ZNF423: variants seen among roughly 807,000 people sequenced by gnomAD.
ZNF423 encodes the protein zinc finger protein 423.
Under a neutral mutation model 95.8 loss-of-function variants are expected in ZNF423, and 12 were observed. The ratio of observed to expected loss-of-function variants is 0.13; its 90% CI spans 0.08 to 0.20. ZNF423 has a LOEUF of 0.20. ZNF423 is among the 10% of genes least tolerant of loss of function. ZNF423 has a pLI of 1.00. For missense variants in ZNF423, 1,316 were observed against 1,737.1 expected, an observed-to-expected ratio of 0.76 and a Z score of 4.31; for synonymous variants, 749 against 711.9, an observed-to-expected ratio of 1.05 and a Z score of -0.83.
intron 1 of ZNF423, chr16:49,854,077 A>C: frequency 1.0e-6 from 1 of 985,312 alleles, no homozygotes; most frequent in South Asian, 4.7e-5. Context: ...GCAAAAGAGA[A>C]ACATCCACCC....
At chr16:49,832,617 G>T (rs912537947) in intron 1 of ZNF423, among the ~76,000 whole-genome samples, 1 of 152,198 alleles carries the variant, frequency 6.6e-6, no homozygotes, top group Non-Finnish European at 1.5e-5. Context: ...GTTATGACAG[G>T]TCAGAACAGA....
intron 2 of ZNF423, among the ~76,000 whole-genome samples, chr16:49,747,655 T>TA (rs2033553302): frequency 1.4e-4 from 10 of 71,970 alleles, no homozygotes; most frequent in Admixed American, 1.1e-3. Context: ...GATATTTCAT[T>TA]TAAAAAAAAA....
chr16:49,597,777 C>T (rs995180535), intron 5 of ZNF423, among the ~76,000 whole-genome samples: 9 of 152,160 alleles, frequency 5.9e-5, no homozygotes, highest in African/African-American at 7.2e-5. Flanking sequence ...GTCTACAGCT[C>T]TAAGAGGGCA....
intron 2 of ZNF423, among the ~76,000 whole-genome samples, chr16:49,749,750 T>C (rs758905716): frequency 1.4e-4 from 17 of 121,228 alleles, no homozygotes; most frequent in Non-Finnish European, 2.2e-4. Flanking sequence ...ATCACACGGG[T>C]CCACAACTCC....
chr16:49,512,751 C>G (rs185946012), intron 7 of ZNF423, among the ~76,000 whole-genome samples: 57 of 152,322 alleles, frequency 3.7e-4, no homozygotes, highest in African/African-American at 1.4e-3. Context: ...GGTCTTACCC[C>G]ATTTAACAGA....
chr16:49,828,584 C>T (rs985643227), intron 1 of ZNF423, among the ~76,000 whole-genome samples: 5 of 152,246 alleles, frequency 3.3e-5, no homozygotes, highest in African/African-American at 9.7e-5. Context: ...AACAGCTCCA[C>T]TTTGAGGGAC....
chr16:49,686,887 C>T (rs771004050), intron 3 of ZNF423, among the ~76,000 whole-genome samples: 3 of 152,000 alleles, frequency 2.0e-5, no homozygotes, highest in East Asian at 1.9e-4. Context: ...TCAGAACCTG[C>T]GATCCCTGCA....
At chr16:49,707,000 C>T (rs2032372971) in intron 3 of ZNF423, among the ~76,000 whole-genome samples, 1 of 152,198 alleles carries the variant, frequency 6.6e-6, no homozygotes, top group Admixed American at 6.5e-5. Context: ...AACACACACA[C>T]CGGATCCTGT....
intron 6 of ZNF423, 72 bp from the exon 7 acceptor site, chr16:49,523,811 A>C: frequency 1.6e-6 from 2 of 1,243,236 alleles, no homozygotes; most frequent in South Asian, 2.5e-5. Context: ...CTGCCCCCAC[A>C]ACACTCGCAG....
At chr16:49,668,780 G>A (rs1203316456) in intron 3 of ZNF423, among the ~76,000 whole-genome samples, 4 of 152,154 alleles carry the variant, frequency 2.6e-5, no homozygotes, top group African/African-American at 9.7e-5. Context: ...AGGAAGGAGG[G>A]GTGGGCAGGG....
chr16:49,786,421 C>T (rs914052495), intron 2 of ZNF423, among the ~76,000 whole-genome samples: 2 of 152,226 alleles, frequency 1.3e-5, no homozygotes, highest in East Asian at 1.9e-4. Context: ...GAGAGGAAGG[C>T]GCATGAAAAG....
intron 5 of ZNF423, among the ~76,000 whole-genome samples, chr16:49,588,662 G>A (rs1279247168): frequency 6.6e-6 from 1 of 152,198 alleles, no homozygotes; most frequent in African/African-American, 2.4e-5. Context: ...TTTATAACAT[G>A]AGATGTTTTA....
chr16:49,649,435 T>A (rs1435941768), intron 3 of ZNF423, among the ~76,000 whole-genome samples: 1 of 152,166 alleles, frequency 6.6e-6, no homozygotes, highest in African/African-American at 2.4e-5. Flanking sequence ...GTGGTAGGTA[T>A]CCCAGCTCTC....
chr16:49,641,260 G>T (rs867882483), intron 3 of ZNF423, among the ~76,000 whole-genome samples: 6 of 152,210 alleles, frequency 3.9e-5, no homozygotes, highest in Admixed American at 1.3e-4. Context: ...CCCCTTGATC[G>T]TGATGTGGGC....
At chr16:49,711,288 A>C (rs940492341) in intron 3 of ZNF423, 3 of 152,198 alleles carry the variant, frequency 2.0e-5, no homozygotes, top group Non-Finnish European at 4.4e-5. Context: ...GAACAACTGG[A>C]AACACCCTAA....
intron 7 of ZNF423, among the ~76,000 whole-genome samples, chr16:49,494,989 C>T (rs1967103818): frequency 6.6e-6 from 1 of 152,130 alleles, no homozygotes; most frequent in South Asian, 2.1e-4. Context: ...GGAAGAAAAT[C>T]GTTTTTTAAA....
intron 3 of ZNF423, chr16:49,708,247 G>A (rs565256837): frequency 2.0e-5 from 3 of 152,254 alleles, no homozygotes; most frequent in Admixed American, 1.3e-4. Flanking sequence ...TGGCTGGATC[G>A]GCGGAGCTGC....
chr16:49,763,933 C>A (rs1308848982), intron 2 of ZNF423, among the ~76,000 whole-genome samples: 1 of 152,168 alleles, frequency 6.6e-6, no homozygotes, highest in African/African-American at 2.4e-5. Flanking sequence ...CAACCAGACA[C>A]CACTCAGCGG....
chr16:49,795,878 C>G (rs1021648633), intron 1 of ZNF423, among the ~76,000 whole-genome samples: 1 of 152,198 alleles, frequency 6.6e-6, no homozygotes. Context: ...TCTCTGAAGT[C>G]CTGGGGGGCT....
Sources: allele counts gnomAD v4.1 joint callset (sites outside exome capture counted in the v4.1 genomes callset), GRCh38; gene constraint gnomAD v4.1.1; transcripts MANE v1.5; gene names NCBI Gene and HGNC (gene_info 2026-07-23, HGNC 2026-07-21).